Variants in EPHA6 observed in about 807,000 individuals in gnomAD.
EPHA6 encodes EPH receptor A6, also known as ephrin type-A receptor 6.
EPHA6 carries 50 observed loss-of-function variants against 112.0 expected under a neutral mutation model. That is an observed-to-expected ratio of 0.45 (90% CI 0.36 to 0.56). The LOEUF is 0.56. Among genes scored for constraint, EPHA6 ranks in the 20% least tolerant of loss-of-function variants. EPHA6 has a pLI of 0.00. For missense variants in EPHA6, 1,280 were observed against 1,417.4 expected (o/e 0.90, Z 1.56); for synonymous variants, 529 against 490.7 (o/e 1.08, Z -1.03).
intron 13 of EPHA6, among the ~76,000 whole-genome samples, chr3:97,619,444 G>T (rs1279442959): frequency 6.9e-6 from 1 of 143,976 alleles, no homozygotes. Context: ...GGGGGGGGGG[G>T]GCATCCAAAT....
intron 5 of EPHA6, among the ~76,000 whole-genome samples, chr3:97,370,269 T>C (rs1018623416): frequency 3.9e-5 from 6 of 152,184 alleles, no homozygotes; most frequent in African/African-American, 1.4e-4. Flanking sequence ...AAATAATAAT[T>C]GCTTCTTCAT....
intron 4 of EPHA6, among the ~76,000 whole-genome samples, chr3:97,236,524 A>G (rs1256877351): frequency 6.6e-6 from 1 of 152,140 alleles, no homozygotes; most frequent in Admixed American, 6.6e-5. Context: ...GTTCAAACAT[A>G]AAATGTAAGT....
At chr3:97,183,714 C>T (rs1055405529) in intron 3 of EPHA6, among the ~76,000 whole-genome samples, 19 of 151,898 alleles carry the variant, frequency 1.3e-4, no homozygotes, top group Non-Finnish European at 1.9e-4. Context: ...TGTGGGTGTG[C>T]ACACTCATAG....
intron 2 of EPHA6, among the ~76,000 whole-genome samples, chr3:96,904,795 C>A (rs769639555): frequency 6.6e-6 from 1 of 152,022 alleles, no homozygotes; most frequent in Non-Finnish European, 1.5e-5. Flanking sequence ...GGTAATATTT[C>A]TAAATTTGAT....
intron 3 of EPHA6, among the ~76,000 whole-genome samples, chr3:97,171,330 C>T (rs1206870822): frequency 1.3e-5 from 2 of 151,948 alleles, no homozygotes; most frequent in African/African-American, 4.8e-5. Flanking sequence ...AAAGCTTAAA[C>T]TTTTTTGAAT....
At chr3:96,959,010 C>A (rs370334018) in intron 2 of EPHA6, among the ~76,000 whole-genome samples, 1 of 152,230 alleles carries the variant, frequency 6.6e-6, no homozygotes. Flanking sequence ...GTTTTAAATT[C>A]TCTTGAGTAT....
chr3:97,631,069 C>T (rs1014505555), intron 13 of EPHA6, among the ~76,000 whole-genome samples: 1 of 151,866 alleles, frequency 6.6e-6, no homozygotes, highest in Non-Finnish European at 1.5e-5. Context: ...TATTCTAATT[C>T]CTCCAGATGA....
chr3:97,588,664 C>G (rs895800993), intron 11 of EPHA6, among the ~76,000 whole-genome samples: 1 of 152,118 alleles, frequency 6.6e-6, no homozygotes, highest in African/African-American at 2.4e-5. Flanking sequence ...ACTAAGACTG[C>G]TAAATAATAG....
intron 5 of EPHA6, among the ~76,000 whole-genome samples, chr3:97,265,257 G>A (rs1303708412): frequency 4.6e-5 from 7 of 152,118 alleles, no homozygotes; most frequent in Non-Finnish European, 2.9e-5. Flanking sequence ...GAGCCTCACT[G>A]GGGACTCTCA....
At chr3:97,011,147 C>T (rs2044071288) in intron 3 of EPHA6, among the ~76,000 whole-genome samples, 3 of 152,038 alleles carry the variant, frequency 2.0e-5, no homozygotes, top group Admixed American at 2.0e-4. Flanking sequence ...TGGGAGATGG[C>T]CAGACTCAAG....
At chr3:97,048,877 G>C (rs940876063) in intron 3 of EPHA6, among the ~76,000 whole-genome samples, 2 of 152,120 alleles carry the variant, frequency 1.3e-5, no homozygotes, top group Admixed American at 6.6e-5. Context: ...AGAGAGAATA[G>C]GAAGTGTGAG....
At chr3:96,937,726 T>C (rs1029352525) in intron 2 of EPHA6, among the ~76,000 whole-genome samples, 7 of 152,114 alleles carry the variant, frequency 4.6e-5, no homozygotes, top group Admixed American at 3.3e-4. Flanking sequence ...TCTTCTAGGG[T>C]TTTTATGGTT....
At chr3:97,184,853 T>G (rs1323064508) in intron 3 of EPHA6, among the ~76,000 whole-genome samples, 2 of 152,126 alleles carry the variant, frequency 1.3e-5, no homozygotes, top group Non-Finnish European at 2.9e-5. Flanking sequence ...TATGGTACTG[T>G]TACCAAAACA....
intron 11 of EPHA6, among the ~76,000 whole-genome samples, chr3:97,559,133 C>A (rs1479880474): frequency 6.6e-6 from 1 of 151,930 alleles, no homozygotes; most frequent in Non-Finnish European, 1.5e-5. Flanking sequence ...ACAAAAGGAA[C>A]TTTTCCAAAA....
intron 3 of EPHA6, among the ~76,000 whole-genome samples, chr3:97,053,802 A>G: frequency 6.6e-6 from 1 of 152,066 alleles, no homozygotes; most frequent in Non-Finnish European, 1.5e-5. Context: ...CTCAGAGGCA[A>G]ATTTACCTTA....
chr3:97,407,508 G>C (rs551205019), intron 6 of EPHA6, among the ~76,000 whole-genome samples: 1 of 151,768 alleles, frequency 6.6e-6, no homozygotes, highest in Non-Finnish European at 1.5e-5. Flanking sequence ...GTGTGTGTGT[G>C]TATTAAGAGT....
chr3:97,170,969 A>G (rs75825738), intron 3 of EPHA6, among the ~76,000 whole-genome samples: 11,464 of 152,234 alleles, frequency 0.075, 614 homozygotes, highest in Non-Finnish European at 0.11. Context: ...GTGTATCACT[A>G]TGAAGTCAAA....
intron 3 of EPHA6, among the ~76,000 whole-genome samples, chr3:97,079,020 C>G (rs1035314040): frequency 1.3e-5 from 2 of 152,056 alleles, no homozygotes; most frequent in East Asian, 3.9e-4. Context: ...GGTATATACC[C>G]AAAGGAATAT....
At chr3:97,538,850 A>G (rs1012105346) in intron 11 of EPHA6, among the ~76,000 whole-genome samples, 2 of 152,190 alleles carry the variant, frequency 1.3e-5, no homozygotes, top group Non-Finnish European at 1.5e-5. Flanking sequence ...ATCAGATTCA[A>G]AGATGTTAAA....
Sources: allele counts gnomAD v4.1 joint callset (sites outside exome capture counted in the v4.1 genomes callset), GRCh38; gene constraint gnomAD v4.1.1; transcripts MANE v1.5; gene names NCBI Gene and HGNC (gene_info 2026-07-23, HGNC 2026-07-21).